Variants in ADGRL3 observed in about 807,000 individuals in gnomAD.
The protein encoded by ADGRL3 is calcium-independent alpha-latrotoxin receptor 3.
ADGRL3 carries 62 observed loss-of-function variants against 153.5 expected under a neutral mutation model. The ratio of observed to expected loss-of-function variants is 0.40; its 90% confidence interval spans 0.33 to 0.50. The LOEUF is 0.50. ADGRL3 is among the 20% of genes least tolerant of loss of function. The probability of loss-of-function intolerance (pLI) is 0.47; values close to 1 mark genes in which losing one functional copy is unlikely to be tolerated. For missense variants in ADGRL3, 1,641 were observed against 1,859.4 expected (o/e 0.88, Z 2.16); for synonymous variants, 710 against 672.5 (o/e 1.06, Z -0.86).
rs1560622534 is a variant in ADGRL3, at chr4:61,432,573, C to CTTTCTTTCTTTCTTTCTTT, written c.-174+49384_-174+49385insTTTCTTTCTTTCTTTCTTT. 5.6e-5 allele frequency among the ~76,000 whole-genome samples: 2 copies of CTTTCTTTCTTTCTTTCTTT among 35,864 alleles called. 1 individual carries two copies. Among genetic ancestry groups the CTTTCTTTCTTTCTTTCTTT allele is most frequent in the African/African-American group, 1.5e-4 (2 of 13,026 alleles). The allele number at this position is 35,864 out of a possible 152,430, so 23.5% of individuals were successfully genotyped here. On this transcript the variant is annotated intron_variant, in intron 2 of 26. Coordinates refer to ENST00000683033, the MANE Select transcript of ADGRL3 (RefSeq NM_001387552.1). ...TTTATAGATTTCTTTTCTTTCTCTT[C>CTTTCTTTCTTTCTTTCTTT]CTTTCTTTCTTTCTTTCTTTCTTTC...
intron 2 of ADGRL3, among the ~76,000 whole-genome samples, chr4:61,488,340 A>T (rs954391510): frequency 6.6e-6 from 1 of 152,064 alleles, no homozygotes; most frequent in African/African-American, 2.4e-5. Flanking sequence ...GTGATAAAAA[A>T]ATAAATATTA....
intron 5 of ADGRL3, among the ~76,000 whole-genome samples, chr4:61,606,664 C>T (rs1341553609): frequency 2.0e-5 from 3 of 152,076 alleles, no homozygotes; most frequent in African/African-American, 4.8e-5. Flanking sequence ...GAGGTTAGGG[C>T]TTTATTATAT....
At chr4:61,973,764 C>T (rs183202683) in intron 17 of ADGRL3, among the ~76,000 whole-genome samples, 4 of 152,046 alleles carry the variant, frequency 2.6e-5, no homozygotes, top group African/African-American at 9.6e-5. Flanking sequence ...CAGACCCTGA[C>T]AAAATTTTTT....
At chr4:61,452,880 T>C (rs1299126570) in intron 2 of ADGRL3, among the ~76,000 whole-genome samples, 1 of 152,192 alleles carries the variant, frequency 6.6e-6, no homozygotes, top group Non-Finnish European at 1.5e-5. Flanking sequence ...TGATTTATTA[T>C]TACTTTTCTG....
In ADGRL3 at chr4:62,076,126, C is replaced by T. The variant is rs115148701; in HGVS notation, c.*5218C>T. On this transcript the variant is annotated 3_prime_UTR_variant, in exon 27 of 27. Coordinates refer to ENST00000683033, the MANE Select transcript of ADGRL3 (RefSeq NM_001387552.1). ...AAAACAGGTAGTTAATATAGTTTCG[C>T]ATAATCTCATTGAAAGATATTGCTA... 332 of 152,130 alleles carry T rather than the reference C, an allele frequency of 2.2e-3. 2 individuals are homozygous for T. Among genetic ancestry groups the T allele is most frequent in the African/African-American group, 7.5e-3 (310 of 41,510 alleles). The allele number at this position is 152,130 out of a possible 1,614,324, so 9.4% of individuals were successfully genotyped here.
At chr4:61,272,278 T>C (rs998305469) in intron 1 of ADGRL3, among the ~76,000 whole-genome samples, 1 of 152,044 alleles carries the variant, frequency 6.6e-6, no homozygotes, top group African/African-American at 2.4e-5. Flanking sequence ...TTAATTTTAA[T>C]GACAAAATTT....
chr4:61,252,111 G>GACCTCAGGTGATCCACCC (rs1407185310), intron 1 of ADGRL3, among the ~76,000 whole-genome samples: 1 of 151,978 alleles, frequency 6.6e-6, no homozygotes, highest in Non-Finnish European at 1.5e-5. Flanking sequence ...TTGAACTCCT[G>GACCTCAGGTGATCCACCC]ACCTCAGGTG....
At chr4:61,526,580 C>G (rs1487835623) in intron 4 of ADGRL3, among the ~76,000 whole-genome samples, 1 of 151,838 alleles carries the variant, frequency 6.6e-6, no homozygotes, top group Non-Finnish European at 1.5e-5. Context: ...AAGTTTGAAA[C>G]CAGCCTAGGT....
chr4:61,509,203 C>T (rs1304340244), intron 3 of ADGRL3, among the ~76,000 whole-genome samples: 2 of 150,176 alleles, frequency 1.3e-5, no homozygotes, highest in African/African-American at 2.5e-5. Context: ...TCTCGGCTCA[C>T]TGCAACCTCC....
At chr4:61,917,319 G>C (rs1337544411) in intron 13 of ADGRL3, among the ~76,000 whole-genome samples, 1 of 152,166 alleles carries the variant, frequency 6.6e-6, no homozygotes, top group East Asian at 1.9e-4. Flanking sequence ...TTTCAGGGAT[G>C]GAATGCAGTA....
chr4:61,512,346 A>C (rs1203766466), intron 3 of ADGRL3, among the ~76,000 whole-genome samples: 2 of 152,130 alleles, frequency 1.3e-5, no homozygotes, highest in East Asian at 3.8e-4. Flanking sequence ...CAGAGCTGTG[A>C]ATGTAATGAT....
intron 19 of ADGRL3, among the ~76,000 whole-genome samples, chr4:61,993,091 TAA>T (rs1453934412): frequency 6.6e-6 from 1 of 151,846 alleles, no homozygotes; most frequent in Non-Finnish European, 1.5e-5. Flanking sequence ...GCTGTATTAT[TAA>T]GTCATTCTTA....
intron 6 of ADGRL3, among the ~76,000 whole-genome samples, chr4:61,685,928 A>G (rs1173562652): frequency 6.6e-6 from 1 of 152,140 alleles, no homozygotes; most frequent in Non-Finnish European, 1.5e-5. Context: ...TAAGATTCAT[A>G]TAGACTTAGA....
intron 1 of ADGRL3, among the ~76,000 whole-genome samples, chr4:61,335,995 T>G (rs2151044404): frequency 6.6e-6 from 1 of 152,250 alleles, no homozygotes; most frequent in South Asian, 2.1e-4. Context: ...AATTCTAAAT[T>G]TATTTATTGT....
In ADGRL3 at chr4:61,919,581, C is replaced by T. The variant is rs1359100040; in HGVS notation, c.2112+6824C>T. Among the ~76,000 whole-genome samples, 5 of 152,064 alleles carry T rather than the reference C, an allele frequency of 3.3e-5. No individual in the cohort carries two copies. The East Asian group carries it at 5.8e-4, about 18-fold the overall frequency. On this transcript the variant is annotated intron_variant, in intron 13 of 26. Transcript: ENST00000683033. The stretch of plus-strand genomic sequence containing the variant: ...CTTTCTATAAGTTGTAGACATTAAA[C>T]GCTACTACATACAAAGCAATCATTG...
intron 9 of ADGRL3, among the ~76,000 whole-genome samples, chr4:61,852,723 G>A (rs1369584142): frequency 6.6e-6 from 1 of 152,118 alleles, no homozygotes; most frequent in Non-Finnish European, 1.5e-5. Flanking sequence ...AATTAAATAT[G>A]AAAAAGTCTT....
At chr4:61,569,040 G>A (rs1200316226) in intron 4 of ADGRL3, among the ~76,000 whole-genome samples, 2 of 152,034 alleles carry the variant, frequency 1.3e-5, no homozygotes, top group African/African-American at 2.4e-5. Context: ...CTTTTGTTTC[G>A]AGAGACTTTT....
rs921339616 is a variant in ADGRL3, at chr4:61,941,249, C to T, written c.2419+5204C>T. ...GAAAGATCAGATAGTTGTAGATATG[C>T]GGTGTTATTTCTGAGGGCTGTGTTC... On this transcript the variant is annotated intron_variant, in intron 15 of 26. Transcript: ENST00000683033. 6.2e-3 allele frequency among the ~76,000 whole-genome samples: 817 copies of T among 131,576 alleles called. 15 individuals are homozygous for T. Among genetic ancestry groups the T allele is most frequent in the Non-Finnish European group, 1.0e-2 (632 of 63,272 alleles). 86.3% of individuals were successfully genotyped at this position (131,576 alleles called of 152,430 possible). A position where few individuals can be genotyped will look rare whatever the true frequency, so the allele number is the denominator to read the frequency against.
intron 2 of ADGRL3, among the ~76,000 whole-genome samples, chr4:61,400,436 G>A (rs2152108271): frequency 6.6e-6 from 1 of 151,880 alleles, no homozygotes; most frequent in South Asian, 2.1e-4. Context: ...ATTTTCTAGA[G>A]GTGATGAAAA....
Sources: allele counts gnomAD v4.1 joint callset (sites outside exome capture counted in the v4.1 genomes callset), GRCh38; gene constraint gnomAD v4.1.1; transcripts MANE v1.5; gene names NCBI Gene and HGNC (gene_info 2026-07-23, HGNC 2026-07-21).